The following NRXN1 variants were observed in gnomAD, a reference collection of about 807,000 sequenced individuals.
The protein encoded by NRXN1 is neurexin 1.
In NRXN1, 39 loss-of-function variants were observed where a neutral mutation model predicts 150.9. The ratio of observed to expected loss-of-function variants is 0.26; its 90% CI spans 0.20 to 0.34. The LOEUF (loss-of-function observed/expected upper bound fraction) is 0.34, where lower values mean the gene tolerates loss of function less well. Ranked by LOEUF, NRXN1 falls within the 10% of genes least tolerant of loss-of-function variation. The pLI, the probability that NRXN1 is intolerant of heterozygous loss-of-function variation, is 1.00. For missense variants in NRXN1, 1,815 were observed against 1,949.9 expected, an observed-to-expected ratio of 0.93 and a Z score of 1.30; for synonymous variants, 924 against 757.0, an observed-to-expected ratio of 1.22 and a Z score of -3.62.
At chr2:50,083,672 G>A (rs543269967) in intron 19 of NRXN1, among the ~76,000 whole-genome samples, 5 of 152,220 alleles carry the variant, frequency 3.3e-5, no homozygotes, top group African/African-American at 4.8e-5. Context: ...CCTGCTGATC[G>A]GTCCATTTTA....
intron 19 of NRXN1, among the ~76,000 whole-genome samples, chr2:50,059,276 A>T (rs1694117227): frequency 6.6e-6 from 1 of 152,214 alleles, no homozygotes; most frequent in Admixed American, 6.5e-5. Flanking sequence ...TGCTCTACAG[A>T]TCTGTGGAAC....
chr2:50,493,953 C>G (rs911127109), intron 15 of NRXN1, among the ~76,000 whole-genome samples: 1 of 152,020 alleles, frequency 6.6e-6, no homozygotes. Context: ...ATGGGCAAAG[C>G]CTGTTTTATC....
intron 18 of NRXN1, among the ~76,000 whole-genome samples, chr2:50,115,472 C>T (rs531092372): frequency 6.6e-6 from 1 of 151,794 alleles, no homozygotes; most frequent in East Asian, 1.9e-4. Flanking sequence ...CCACAACAAA[C>T]TAATAAAGGA....
intron 8 of NRXN1, among the ~76,000 whole-genome samples, chr2:50,561,819 C>A (rs1327087785): frequency 1.3e-5 from 2 of 152,116 alleles, no homozygotes; most frequent in Non-Finnish European, 1.5e-5. Flanking sequence ...AGACACTGAA[C>A]AAGTTAACTA....
chr2:50,980,237 G>A (rs903798549), intron 2 of NRXN1, among the ~76,000 whole-genome samples: 2 of 152,030 alleles, frequency 1.3e-5, no homozygotes, highest in Admixed American at 1.3e-4. Context: ...TTGAGTTGCT[G>A]AGACTACAGG....
intron 18 of NRXN1, among the ~76,000 whole-genome samples, chr2:50,125,785 A>T (rs1361949980): frequency 6.6e-6 from 1 of 152,152 alleles, no homozygotes; most frequent in Admixed American, 6.5e-5. Flanking sequence ...TTTAACATGC[A>T]TACACATATG....
At chr2:50,505,808 T>C (rs1002175017) in intron 13 of NRXN1, among the ~76,000 whole-genome samples, 2 of 152,162 alleles carry the variant, frequency 1.3e-5, no homozygotes, top group African/African-American at 4.8e-5. Context: ...ATAATTAACA[T>C]GGCTATCTCT....
intron 15 of NRXN1, among the ~76,000 whole-genome samples, chr2:50,476,004 T>G (rs1223975299): frequency 6.6e-6 from 1 of 152,100 alleles, no homozygotes; most frequent in African/African-American, 2.4e-5. Flanking sequence ...AAGCCAACTT[T>G]CCTGTAGATA....
rs539531028 is a variant in NRXN1 at position 50,346,559 on chromosome 2, C to A, written c.3365-109589G>T. On this transcript the variant is annotated intron_variant, in intron 17 of 22. Coordinates refer to ENST00000401669, the MANE Select transcript of NRXN1 (RefSeq NM_001330078.2). The surrounding 1 kb of genome is among the most constrained non-coding windows in gnomAD (Gnocchi z 5.0). ...CTTCAAAGAGATAAGTGGCTCGCAC[C>A]AAGCACACCCAAATGCACCTCCCTT... The A allele has an allele frequency of 9.6e-5, 92 of 959,800 alleles. 1 individual carries two copies. The African/African-American group carries it at 1.4e-3, about 14-fold the overall frequency. 59.5% of individuals were successfully genotyped at this position (959,800 alleles called of 1,614,324 possible). A position where few individuals can be genotyped will look rare whatever the true frequency, so the allele number is the denominator to read the frequency against.
At chr2:51,013,004 T>C (rs772685447) in intron 2 of NRXN1, among the ~76,000 whole-genome samples, 3 of 152,022 alleles carry the variant, frequency 2.0e-5, no homozygotes, top group Non-Finnish European at 4.4e-5. Flanking sequence ...AACAATTACA[T>C]AGGATATAAA....
At chr2:50,053,709 C>G (rs1160310510) in intron 20 of NRXN1, 119 bp from the exon 21 acceptor site, 5 of 969,082 alleles carry the variant, frequency 5.2e-6, no homozygotes, top group African/African-American at 1.6e-5. Flanking sequence ...ATAAGAGAGG[C>G]ATTTGACTCA....
intron 2 of NRXN1, among the ~76,000 whole-genome samples, chr2:50,959,068 T>C (rs1274283711): frequency 6.6e-6 from 1 of 152,090 alleles, no homozygotes; most frequent in Non-Finnish European, 1.5e-5. Context: ...TTGTCTAACT[T>C]TGATGTCAGT....
intron 5 of NRXN1, among the ~76,000 whole-genome samples, chr2:50,871,839 T>C (rs1677826442): frequency 6.6e-6 from 1 of 151,876 alleles, no homozygotes; most frequent in African/African-American, 2.4e-5. Context: ...CTAAATATAT[T>C]AAACACTCAC....
At position 50,538,598 on chromosome 2, in the gene NRXN1, C is replaced by T. The variant is rs796052770; in HGVS notation, c.1798G>A (p.Ala600Thr). The T allele has an allele frequency of 3.3e-6, 5 of 1,536,948 alleles. No individual in the cohort carries two copies. The highest frequency in any genetic ancestry group is 4.4e-6 in the Non-Finnish European group (5 of 1,141,404). ...TCCAGAATCTCACTCTCACCAGGAG[C>T]AGTGTAGGGAGTACGCAACGTGTTG... ...SVNTLRTPYT[A>T]PGESEILDLD... The change falls in exon 10 of 23, where the codon GCT becomes ACT. Residue 600 changes from alanine (A) to threonine (T), a missense_variant. Physicochemically the swap from Ala to Thr is moderately conservative, Grantham distance 58 (BLOSUM62 0). Coordinates refer to ENST00000401669, the MANE Select transcript of NRXN1 (RefSeq NM_001330078.2).
At chr2:50,423,799 C>T (rs563848468) in intron 17 of NRXN1, among the ~76,000 whole-genome samples, 27 of 152,098 alleles carry the variant, frequency 1.8e-4, no homozygotes, top group African/African-American at 6.5e-4. Flanking sequence ...AAAGGATTGC[C>T]AGATGTCAGG....
At chr2:50,833,417 T>G (rs1210867345) in intron 5 of NRXN1, among the ~76,000 whole-genome samples, 1 of 152,192 alleles carries the variant, frequency 6.6e-6, no homozygotes, top group Non-Finnish European at 1.5e-5. Context: ...ATTTATCAGG[T>G]ACATGGATAA....
At chr2:50,099,740 A>T (rs1295059589) in intron 18 of NRXN1, among the ~76,000 whole-genome samples, 1 of 152,184 alleles carries the variant, frequency 6.6e-6, no homozygotes, top group Non-Finnish European at 1.5e-5. Flanking sequence ...CAACTTGTGA[A>T]GCAGGGTATC....
At chr2:50,184,540 A>G (rs1173288017) in intron 18 of NRXN1, among the ~76,000 whole-genome samples, 1 of 152,068 alleles carries the variant, frequency 6.6e-6, no homozygotes, top group Non-Finnish European at 1.5e-5. Flanking sequence ...CATTATTCCA[A>G]TAAAATTACC....
chr2:50,821,231 T>C (rs547550152), intron 5 of NRXN1, among the ~76,000 whole-genome samples: 11 of 152,306 alleles, frequency 7.2e-5, no homozygotes, highest in African/African-American at 2.4e-4. Context: ...CAGGATGGTT[T>C]TGAATGCAGC....
Sources: allele counts gnomAD v4.1 joint callset (sites outside exome capture counted in the v4.1 genomes callset), GRCh38; gene constraint gnomAD v4.1.1; non-coding constraint Gnocchi (gnomAD v3.1); transcripts MANE v1.5; gene names NCBI Gene and HGNC (gene_info 2026-07-23, HGNC 2026-07-21).